MYH14: variants seen among roughly 807,000 people sequenced by gnomAD.
MYH14 encodes the protein myosin-14.
A neutral mutation model predicts 255.5 loss-of-function variants in MYH14; 123 were observed. The ratio of observed to expected loss-of-function variants is 0.48; its 90% CI spans 0.42 to 0.56. The LOEUF (loss-of-function observed/expected upper bound fraction) is 0.56. MYH14 is among the 20% of genes least tolerant of loss of function. MYH14 has a pLI of 0.00. For synonymous variants in MYH14, 1,095 were observed against 1,161.2 expected (o/e 0.94, Z 1.16); for missense variants, 2,423 against 2,802.3 (o/e 0.86, Z 3.06).
At chr19:50,286,297 T>G (rs897467058) in intron 33 of MYH14, 185 bp from the exon 34 acceptor site, 1 of 603,776 alleles carries the variant, frequency 1.7e-6, no homozygotes, top group African/African-American at 1.9e-5. Flanking sequence ...TTTGATCCAT[T>G]CAAGAGTTAA....
chr19:50,244,523 A>G (rs1221482905), intron 11 of MYH14, among the ~76,000 whole-genome samples, 186 bp downstream of exon 11: 2 of 126,034 alleles, frequency 1.6e-5, no homozygotes, highest in Non-Finnish European at 1.6e-5. Context: ...TCGCTCTGTC[A>G]CCCAGGCTGG....
intron 5 of MYH14, 105 bp from the exon 6 acceptor site, chr19:50,224,049 C>A: frequency 1.2e-6 from 1 of 806,628 alleles, no homozygotes; most frequent in Non-Finnish European, 2.1e-6. Flanking sequence ...TCCCCCTTCC[C>A]CCACCCCCCA....
intron 41 of MYH14, among the ~76,000 whole-genome samples, chr19:50,307,832 C>T (rs2036704967): frequency 6.6e-6 from 1 of 152,220 alleles, no homozygotes; most frequent in Non-Finnish European, 1.5e-5. Context: ...TCTGTCTGGA[C>T]AGAGTCCCTC....
chr19:50,224,594 CA>C (rs1461035051), intron 6 of MYH14, among the ~76,000 whole-genome samples: 6 of 152,112 alleles, frequency 3.9e-5, no homozygotes, highest in African/African-American at 1.4e-4. Context: ...TTAACACAAG[CA>C]AGACATGGAC....
At chr19:50,263,552 G>T in intron 22 of MYH14, 132 bp downstream of exon 22, 1 of 515,346 alleles carries the variant, frequency 1.9e-6, no homozygotes, top group African/African-American at 2.0e-5. Flanking sequence ...GTCGGCCCAG[G>T]CTTTGCTAGC....
intron 11 of MYH14, among the ~76,000 whole-genome samples, chr19:50,246,139 CCTT>C: frequency 7.1e-6 from 1 of 141,554 alleles, no homozygotes; most frequent in Non-Finnish European, 1.5e-5. Context: ...TTCCCTCCTT[CCTT>C]CCTTCCTTCC....
Position 50,289,610 on chromosome 19 carries a change from G to A in MYH14, c.4927G>A (p.Glu1643Lys), listed in dbSNP as rs769198691. The A allele has an allele frequency of 5.6e-6, 9 of 1,612,270 alleles. No homozygotes were observed. Among genetic ancestry groups the A allele is most frequent in the Admixed American group, 1.7e-5 (1 of 59,812 alleles). The change falls in exon 35 of 43, where the codon GAG (glutamate) becomes AAG (lysine). Residue 1643 changes from glutamate (E) to lysine (K), a missense_variant. Physicochemically the swap from Glu to Lys is moderately conservative, Grantham distance 56. This residue lies in a region of MYH14 where 1,513 missense variants were observed against 1,674.8 expected (regional missense o/e 0.90). Transcript: ENST00000642316. The part of the protein sequence containing the change: ...QHERDLQGRD[E>K]AGEERRRQLA... Reference sequence around the variant, plus strand: ...TGAGCGTGACCTGCAGGGCCGTGATGAGGCTGGTGAAGAGAGGCGGAGGCA... The same window carrying A: ...TGAGCGTGACCTGCAGGGCCGTGATAAGGCTGGTGAAGAGAGGCGGAGGCA...
rs1459334407 is a variant in MYH14 at position 50,301,820 on chromosome 19, C to T, written c.5629C>T (p.Leu1877Phe). Residue 1877 changes from leucine to phenylalanine, a missense_variant, in exon 40 of 43, where the codon CTT becomes TTT. Leu to Phe is a conservative substitution (Grantham distance 22). Coordinates refer to ENST00000642316, the MANE Select transcript of MYH14 (RefSeq NM_001145809.2). ...CCGCCACAAGATGACCATTGCTGCC[C>T]TTGAGTCTAAGTTGGCCCAGGCTGA... ...RARHKMTIAA[L>F]ESKLAQAEEQ... 6 of 1,613,674 alleles carry T rather than the reference C, an allele frequency of 3.7e-6. No homozygotes were observed. Among genetic ancestry groups the T allele is most frequent in the Admixed American group, 1.7e-5 (1 of 59,966 alleles).
Position 50,272,539 on chromosome 19 carries a change from G to C in MYH14, c.3296-21G>C, listed in dbSNP as rs752224415. The C allele has an allele frequency of 4.6e-5, 72 of 1,556,360 alleles. 1 individual carries two copies. In the South Asian group the frequency reaches 7.1e-4, roughly 15 times the overall value. On this transcript the variant is annotated intron_variant, in intron 26 of 42. Coordinates refer to ENST00000642316, the MANE Select transcript of MYH14 (RefSeq NM_001145809.2). Reference sequence around the variant, plus strand: ...GTGCAGGCCTGGAGTCCTCATGCACGGCCCCCACCCCTGCCTCCAGACCGC... The same window carrying C: ...GTGCAGGCCTGGAGTCCTCATGCACCGCCCCCACCCCTGCCTCCAGACCGC...
intron 15 of MYH14, among the ~76,000 whole-genome samples, chr19:50,251,521 TACACACAC>T (rs56728213): frequency 0.13 from 9,657 of 71,920 alleles, 537 homozygotes; most frequent in Non-Finnish European, 0.22. Context: ...ATATACACAC[TACACACAC>T]ACACACACAC....
chr19:50,279,819 T>G (rs1414187298), intron 30 of MYH14, among the ~76,000 whole-genome samples: 1 of 152,252 alleles, frequency 6.6e-6, no homozygotes, highest in African/African-American at 2.4e-5. Context: ...AGTTTCTGCA[T>G]AGACCTATGC....
At chr19:50,236,596 T>C (rs1409627590) in intron 10 of MYH14, among the ~76,000 whole-genome samples, 1 of 151,586 alleles carries the variant, frequency 6.6e-6, no homozygotes, top group African/African-American at 2.4e-5. Context: ...TAATCCCAGC[T>C]ACTCGGGAGG....
Position 50,252,727 on chromosome 19 carries a change from G to C in MYH14, c.1919G>C (p.Arg640Pro), listed in dbSNP as rs199696801. The C allele has an allele frequency of 4.4e-6, 7 of 1,595,570 alleles. No homozygotes were observed. Among genetic ancestry groups the C allele is most frequent in the Non-Finnish European group, 6.0e-6 (7 of 1,171,496 alleles). The stretch of plus-strand genomic sequence containing the variant: ...GCCTTGCTCCACCAGAGCACAGACC[G>C]GCTGACGGCAGAGATCTGGAAAGAC... ...VAALLHQSTD[R>P]LTAEIWKDEH... is the part of the protein sequence containing the mutation. Residue 640 changes from arginine to proline, a missense_variant, in exon 16 of 43, where the codon CGG (arginine) becomes CCG (proline). Physicochemically the swap from Arg to Pro is moderately radical, Grantham distance 103. Around this residue, in one of 3 missense-constraint regions of MYH14, gnomAD observed 672 missense variants for 881.8 expected, o/e 0.76. Coordinates refer to ENST00000642316, the MANE Select transcript of MYH14 (RefSeq NM_001145809.2). The surrounding 1 kb of genome is among the most constrained non-coding windows in gnomAD (Gnocchi z 4.2).
At chr19:50,273,599 GGGGTGTGTGTGT>G (rs1196550167) in intron 27 of MYH14, among the ~76,000 whole-genome samples, 5 of 82,274 alleles carry the variant, frequency 6.1e-5, no homozygotes, top group African/African-American at 2.5e-4. Context: ...TGGAACATGG[GGGGTGTGTGTGT>G]GTGTGTGTGT....
At chr19:50,238,385 G>GT (rs2033752793) in intron 10 of MYH14, among the ~76,000 whole-genome samples, 1 of 152,216 alleles carries the variant, frequency 6.6e-6, no homozygotes, top group Non-Finnish European at 1.5e-5. Flanking sequence ...TGATCATTAA[G>GT]TTTGCTGGGC....
intron 22 of MYH14, among the ~76,000 whole-genome samples, chr19:50,264,003 G>C (rs1306844057): frequency 1.5e-5 from 2 of 129,454 alleles, no homozygotes; most frequent in Non-Finnish European, 3.1e-5. Flanking sequence ...GTTGCAGTGA[G>C]CCAAGATAGT....
chr19:50,293,286 G>T lies in MYH14; in HGVS notation c.5310G>T (p.Glu1770Asp). The T allele has an allele frequency of 6.2e-7, 1 of 1,609,194 alleles. No individual in the cohort carries two copies. Among genetic ancestry groups the T allele is most frequent in the Non-Finnish European group, 8.5e-7 (1 of 1,178,080 alleles). Residue 1770 changes from glutamate (E) to aspartate (D), a missense_variant, in exon 38 of 43, where the codon GAG becomes GAT. Coordinates refer to ENST00000642316, the MANE Select transcript of MYH14 (RefSeq NM_001145809.2). The surrounding 1 kb of genome is among the most constrained non-coding windows in gnomAD (Gnocchi z 4.1). ...ARRQAQQDRD[E>D]MADEVANGNL... is the part of the protein sequence containing the mutation. ...GGCAGGCCCAGCAGGACCGGGATGA[G>T]ATGGCAGATGAGGTGGCCAATGGTA...
Position 50,281,582 on chromosome 19 carries a change from T to C in MYH14, c.4291-12T>C. ...CCGTGACCACCAACCACCCTCTCTC[T>C]CCTCCCCTCAGCTTTCCGAGTGGCG... is the stretch of plus-strand genomic sequence containing the variant. On this transcript the variant is annotated splice_polypyrimidine_tract_variant and intron_variant, in intron 32 of 42. Transcript: ENST00000642316. 1 of 1,568,734 alleles carries C rather than the reference T, an allele frequency of 6.4e-7. No individual in the cohort carries two copies. Among genetic ancestry groups the C allele is most frequent in the Non-Finnish European group, 8.6e-7 (1 of 1,157,988 alleles).
rs1361595465 is a variant in MYH14, at chr19:50,244,302, G to A, written c.1175G>A (p.Arg392Gln). 2.5e-6 allele frequency: 4 copies of A among 1,613,664 alleles called. No individual in the cohort carries two copies. The highest frequency in any genetic ancestry group is 2.7e-5 in the African/African-American group (2 of 74,978). The change falls in exon 11 of 43, where the codon CGG becomes CAG. Residue 392 changes from arginine to glutamine, a missense_variant. This residue lies in a region of MYH14 where 672 missense variants were observed against 881.8 expected (regional missense o/e 0.76). Transcript: ENST00000642316. ...GGCAACATTGCCTTGAAGAGAGAAC[G>A]GAACACCGATCAAGCCACCATGCCT... ...QFGNIALKRE[R>Q]NTDQATMPDN...
Sources: gnomAD v4.1 joint callset for allele counts (sites outside exome capture counted in the v4.1 genomes callset) on GRCh38, gnomAD v4.1.1 for gene constraint, gnomAD v4.1.1 regional missense constraint, Gnocchi (gnomAD v3.1) non-coding constraint, MANE v1.5 for transcripts, NCBI Gene and HGNC (gene_info 2026-07-23, HGNC 2026-07-21) for gene names.